IPCEF1: variants seen among roughly 807,000 people sequenced by gnomAD.
The protein encoded by IPCEF1 is interactor protein for cytohesin exchange factors 1.
In IPCEF1, 31 loss-of-function variants were observed where a neutral mutation model predicts 50.9. The observed-to-expected ratio is 0.61, with a 90% confidence interval of 0.46 to 0.82. The LOEUF (loss-of-function observed/expected upper bound fraction) is 0.82. Ranked by LOEUF, IPCEF1 falls within the 40% of genes least tolerant of loss-of-function variation. The pLI is 0.00. For missense variants in IPCEF1, 458 were observed against 514.0 expected (o/e 0.89, Z 1.05); for synonymous variants, 181 against 192.0 (o/e 0.94, Z 0.47).
At chr6:154,230,027 A>G (rs1779599201) in intron 5 of IPCEF1, among the ~76,000 whole-genome samples, 1 of 152,160 alleles carries the variant, frequency 6.6e-6, no homozygotes, top group Non-Finnish European at 1.5e-5. Context: ...ATCTATAGAG[A>G]CAGAAAGCAG....
chr6:154,225,664 G>C (rs1779192087), intron 5 of IPCEF1, among the ~76,000 whole-genome samples: 1 of 152,194 alleles, frequency 6.6e-6, no homozygotes, highest in South Asian at 2.1e-4. Context: ...TCACAATCTA[G>C]ATAGATGAGG....
chr6:154,171,019 T>G (rs1030560052), intron 10 of IPCEF1, among the ~76,000 whole-genome samples: 1 of 152,186 alleles, frequency 6.6e-6, no homozygotes, highest in Non-Finnish European at 1.5e-5. Flanking sequence ...TACAGGTGCA[T>G]GCCACCATGC....
chr6:154,223,340 C>T (rs1401720942), intron 5 of IPCEF1, 97 bp from the exon 6 acceptor site: 6 of 948,336 alleles, frequency 6.3e-6, no homozygotes, highest in Non-Finnish European at 9.9e-6. Context: ...GTATAAATGA[C>T]ATGAGGGAGA....
intron 10 of IPCEF1, among the ~76,000 whole-genome samples, chr6:154,175,586 T>A (rs1800251950): frequency 6.6e-6 from 1 of 151,940 alleles, no homozygotes; most frequent in Non-Finnish European, 1.5e-5. Flanking sequence ...AACTGAGAAA[T>A]TCATGGACAC....
chr6:154,181,816 C>G (rs1001185785), intron 10 of IPCEF1, among the ~76,000 whole-genome samples: 2 of 152,166 alleles, frequency 1.3e-5, no homozygotes, highest in African/African-American at 4.8e-5. Context: ...TTCTTGGGGA[C>G]TTGAACTGGA....
At chr6:154,351,201 G>T (rs1784114087) in intron 1 of IPCEF1, among the ~76,000 whole-genome samples, 1 of 152,182 alleles carries the variant, frequency 6.6e-6, no homozygotes, top group Non-Finnish European at 1.5e-5. Flanking sequence ...ATCAATATGG[G>T]TCCAATGATA....
rs780662312 is a variant in IPCEF1, at chr6:154,276,245, A to AG, written c.-17-10282dup. On this transcript the variant is annotated intron_variant, in intron 2 of 11. Transcript: ENST00000367220. ...AGAAAAGGAAAGAAAGAAAGAGAAA[A>AG]GGTGGGAGGGAGGGAGGAAGAAAGA... is the stretch of plus-strand genomic sequence containing the variant. Among the ~76,000 whole-genome samples the AG allele has an allele frequency of 4.7e-5, 7 of 149,862 alleles. No individual in the cohort carries two copies. In the East Asian group the frequency reaches 8.0e-4, roughly 17 times the overall value.
chr6:154,335,950 A>AAGG (rs1323387002), intron 1 of IPCEF1, among the ~76,000 whole-genome samples: 1 of 152,210 alleles, frequency 6.6e-6, no homozygotes, highest in Non-Finnish European at 1.5e-5. Context: ...AATGAAAATG[A>AAGG]AGGAAAAAAC....
chr6:154,327,935 T>C (rs978368770), intron 1 of IPCEF1, among the ~76,000 whole-genome samples: 2 of 151,768 alleles, frequency 1.3e-5, no homozygotes, highest in Non-Finnish European at 2.9e-5. Context: ...ATGGATGGAG[T>C]TGGAAGCTGT....
Position 154,331,791 on chromosome 6 carries a change from C to T in IPCEF1, c.-62+24881G>A, listed in dbSNP as rs553351903. 2.6e-5 allele frequency among the ~76,000 whole-genome samples: 4 copies of T among 152,222 alleles called. No individual in the cohort carries two copies. The East Asian group carries it at 7.7e-4, about 29-fold the overall frequency. On this transcript the variant is annotated intron_variant, in intron 1 of 11. Transcript: ENST00000367220. ...CTCTACTAAACACATATGCATGCAG[C>T]CCCTCCCAAGTGCTGAAAGGCCACT... is the stretch of plus-strand genomic sequence containing the variant.
intron 5 of IPCEF1, among the ~76,000 whole-genome samples, chr6:154,235,685 G>A (rs746753483): frequency 1.6e-4 from 24 of 152,124 alleles, no homozygotes; most frequent in Non-Finnish European, 2.6e-4. Flanking sequence ...AGTTTCGTCT[G>A]TACTATTAAA....
rs150681875 is a variant in IPCEF1, at chr6:154,295,571, G to A, written c.-61-5815C>T. The stretch of plus-strand genomic sequence containing the variant: ...GCTTGGGGAACAGAGAGCACAGGGG[G>A]TCTAGGTCAGCGACGCCTGCACAAG... On this transcript the variant is annotated intron_variant, in intron 1 of 11. Coordinates refer to ENST00000367220, the MANE Select transcript of IPCEF1 (RefSeq NM_001130700.2). Among the ~76,000 whole-genome samples, 428 of 152,264 alleles carry A rather than the reference G, an allele frequency of 2.8e-3. 1 individual carries two copies. The highest frequency in any genetic ancestry group is 9.9e-3 in the African/African-American group (413 of 41,546).
At chr6:154,241,208 C>T (rs999327928) in intron 5 of IPCEF1, among the ~76,000 whole-genome samples, 5 of 143,816 alleles carry the variant, frequency 3.5e-5, no homozygotes, top group African/African-American at 1.3e-4. Flanking sequence ...TGCACTTCAG[C>T]CTAGCAACAA....
At chr6:154,331,369 AG>A (rs370654865) in intron 1 of IPCEF1, among the ~76,000 whole-genome samples, 42 of 50,384 alleles carry the variant, frequency 8.3e-4, no homozygotes, top group South Asian at 2.2e-3. Flanking sequence ...AAAGAAAGAA[AG>A]GAAAGAAAGA....
At chr6:154,181,456 G>A (rs1048895487) in intron 10 of IPCEF1, among the ~76,000 whole-genome samples, 1 of 152,090 alleles carries the variant, frequency 6.6e-6, no homozygotes, top group Non-Finnish European at 1.5e-5. Context: ...TCCAAAGCTC[G>A]TTTTCTTAAA....
At chr6:154,180,821 T>C (rs1800808833) in intron 10 of IPCEF1, among the ~76,000 whole-genome samples, 1 of 152,170 alleles carries the variant, frequency 6.6e-6, no homozygotes, top group African/African-American at 2.4e-5. Context: ...TGTTTCAGAT[T>C]AGGAATGTCT....
chr6:154,221,713 T>A (rs974130787), intron 6 of IPCEF1, among the ~76,000 whole-genome samples: 3 of 151,644 alleles, frequency 2.0e-5, no homozygotes, highest in Non-Finnish European at 2.9e-5. Context: ...CTCTACTAAA[T>A]ATACAAAAAA....
At chr6:154,343,820 A>C (rs914667684) in intron 1 of IPCEF1, among the ~76,000 whole-genome samples, 1 of 152,206 alleles carries the variant, frequency 6.6e-6, no homozygotes, top group Non-Finnish European at 1.5e-5. Flanking sequence ...CTGGGCTGGC[A>C]ACCTTTGATA....
At chr6:154,180,414 A>ATATATATATATATTTTT (rs1241250621) in intron 10 of IPCEF1, among the ~76,000 whole-genome samples, 1 of 65,268 alleles carries the variant, frequency 1.5e-5, no homozygotes, top group African/African-American at 4.8e-5. Flanking sequence ...ATATATATAT[A>ATATATATATATATTTTT]TTTTTTTTTT....
Sources: allele counts gnomAD v4.1 joint callset (sites outside exome capture counted in the v4.1 genomes callset), GRCh38; gene constraint gnomAD v4.1.1; transcripts MANE v1.5; gene names NCBI Gene and HGNC (gene_info 2026-07-23, HGNC 2026-07-21).